The following PRUNE1 variants were observed in gnomAD, a reference collection of about 807,000 sequenced individuals.
PRUNE1 encodes the protein exopolyphosphatase PRUNE1.
A neutral mutation model predicts 42.5 loss-of-function variants in PRUNE1; 25 were observed. That is an observed-to-expected ratio of 0.59 (90% CI 0.43 to 0.82). PRUNE1 has a LOEUF of 0.82. Among genes scored for constraint, PRUNE1 ranks in the 40% least tolerant of loss-of-function variants. The pLI, the probability that PRUNE1 is intolerant of heterozygous loss-of-function variation, is 0.00. For missense variants in PRUNE1, 443 were observed against 539.3 expected, an observed-to-expected ratio of 0.82 and a Z score of 1.77; for synonymous variants, 203 against 217.1, an observed-to-expected ratio of 0.93 and a Z score of 0.57.
intron 5 of PRUNE1, among the ~76,000 whole-genome samples, chr1:151,026,813 G>A (rs1674867278): frequency 6.6e-6 from 1 of 150,988 alleles, no homozygotes; most frequent in Non-Finnish European, 1.5e-5. Flanking sequence ...TATTTAAGAT[G>A]GCTTTTGATT....
chr1:151,016,815 T>C lies in PRUNE1; in HGVS notation c.40-997T>C, dbSNP rs114878278. Among the ~76,000 whole-genome samples, 454 of 151,892 alleles carry C rather than the reference T, an allele frequency of 3.0e-3. 2 individuals carry two copies. The highest frequency in any genetic ancestry group is 7.5e-3 in the South Asian group (36 of 4,796). On this transcript the variant is annotated intron_variant, in intron 1 of 7. Coordinates refer to ENST00000271620, the MANE Select transcript of PRUNE1 (RefSeq NM_021222.3). ...CCACGCCCAGCCCTGGACTAGATCT[T>C]ACTTTTAACCTTTATTCTCAAAGCC...
chr1:151,008,862 G>C, intron 1 of PRUNE1, 191 bp downstream of exon 1: 2 of 755,788 alleles, frequency 2.6e-6, no homozygotes, highest in South Asian at 2.9e-5. Context: ...GCGTGAGAAT[G>C]CTGCTTGTTC....
chr1:151,026,000 C>G (rs1176252530), intron 5 of PRUNE1, among the ~76,000 whole-genome samples: 1 of 151,826 alleles, frequency 6.6e-6, no homozygotes, highest in Non-Finnish European at 1.5e-5. Context: ...CTGGGCCTCC[C>G]AAAGTGCTGG....
At position 151,028,799 on chromosome 1, in the gene PRUNE1, G is replaced by C. The variant is rs587613765; in HGVS notation, c.788G>C (p.Arg263Thr). The change falls in exon 7 of 8, where the codon AGG (arginine) becomes ACG (threonine). Residue 263 changes from arginine to threonine, a missense_variant. Coordinates refer to ENST00000271620, the MANE Select transcript of PRUNE1 (RefSeq NM_021222.3). ...CTTCCCTTTCAGGCCTTTCTGCAGAGGTCTAACCTCCTTGCAGATCTCCAT... is the reference window on the plus strand; with the variant it reads ...CTTCCCTTTCAGGCCTTTCTGCAGACGTCTAACCTCCTTGCAGATCTCCAT... The part of the protein sequence containing the change: ...IYMDLEAFLQ[R>T]SNLLADLHAF... 3.1e-5 allele frequency: 50 copies of C among 1,614,002 alleles called. No homozygotes were observed. In the South Asian group the frequency reaches 5.3e-4, roughly 17 times the overall value.
chr1:151,029,019 T>C, intron 7 of PRUNE1, 75 bp downstream of exon 7: 1 of 1,445,104 alleles, frequency 6.9e-7, no homozygotes, highest in Non-Finnish European at 9.5e-7. Context: ...TCTACAGCTG[T>C]CCTATAAGGA....
chr1:151,029,633 C>T lies in PRUNE1; in HGVS notation c.933+689C>T, dbSNP rs1008064684. Among the ~76,000 whole-genome samples the T allele has an allele frequency of 7.2e-4, 109 of 151,716 alleles. 2 individuals carry two copies. Among genetic ancestry groups the T allele is most frequent in the Admixed American group, 3.9e-4 (6 of 15,212 alleles). ...CCGCCCGCCTTGGCCTCCCAAAGTG[C>T]TGGGATTACAGGCGTGAGCCACCGC... On this transcript the variant is annotated intron_variant, in intron 7 of 7. Coordinates refer to ENST00000271620, the MANE Select transcript of PRUNE1 (RefSeq NM_021222.3).
At chr1:151,014,186 A>G (rs1673161) in intron 1 of PRUNE1, among the ~76,000 whole-genome samples, 13,509 of 152,168 alleles carry the variant, frequency 0.089, 745 homozygotes, top group African/African-American at 0.15. Flanking sequence ...TCACCAGGTT[A>G]GCCAGGATAG....
chr1:151,008,571 C>CA lies in PRUNE1; in HGVS notation c.-62_-61insA. On this transcript the variant is annotated 5_prime_UTR_variant, in exon 1 of 8. Coordinates refer to ENST00000271620, the MANE Select transcript of PRUNE1 (RefSeq NM_021222.3). Reference sequence around the variant, plus strand: ...GGGCGGGCTGCATTCGTCGGGGAAACCTCTCCTCGACCAGGGGCACCTCTA... The same window carrying CA: ...GGGCGGGCTGCATTCGTCGGGGAAACACTCTCCTCGACCAGGGGCACCTCTA... The CA allele has an allele frequency of 6.3e-7, 1 of 1,593,268 alleles. No individual in the cohort carries two copies. Among genetic ancestry groups the CA allele is most frequent in the Non-Finnish European group, 8.6e-7 (1 of 1,160,948 alleles).
intron 7 of PRUNE1, among the ~76,000 whole-genome samples, chr1:151,032,566 T>A (rs587627233): frequency 7.8e-4 from 118 of 151,614 alleles, no homozygotes; most frequent in Middle Eastern, 6.8e-3. Context: ...ATACAAACAT[T>A]AGCCAGGCTG....
intron 1 of PRUNE1, among the ~76,000 whole-genome samples, chr1:151,016,244 A>G (rs1385517785): frequency 1.3e-5 from 2 of 152,150 alleles, no homozygotes; most frequent in Non-Finnish European, 2.9e-5. Context: ...CTCAAAAAAA[A>G]AAAGTAAGCA....
At chr1:151,028,393 G>A (rs1444335204) in intron 6 of PRUNE1, among the ~76,000 whole-genome samples, 3 of 151,048 alleles carry the variant, frequency 2.0e-5, no homozygotes, top group Admixed American at 6.6e-5. Flanking sequence ...GTGCGTGCCG[G>A]CATGCCCAGC....
intron 1 of PRUNE1, among the ~76,000 whole-genome samples, chr1:151,017,306 A>G (rs1347426195): frequency 6.6e-6 from 1 of 152,128 alleles, no homozygotes; most frequent in African/African-American, 2.4e-5. Flanking sequence ...AGGAGGAAAG[A>G]ACACTTTTCT....
chr1:151,012,423 C>G (rs769180621), intron 1 of PRUNE1, among the ~76,000 whole-genome samples: 1 of 152,162 alleles, frequency 6.6e-6, no homozygotes, highest in Admixed American at 6.5e-5. Context: ...TTCTCATAAG[C>G]GTCCCAGTTT....
At position 151,024,713 on chromosome 1, in the gene PRUNE1, G is replaced by A. The variant is rs1674713889; in HGVS notation, c.438G>A (p.Gly146=). The A allele has an allele frequency of 3.1e-6, 5 of 1,614,008 alleles. No individual in the cohort carries two copies. The highest frequency in any genetic ancestry group is 4.2e-6 in the Non-Finnish European group (5 of 1,180,026). Reference sequence around the variant, plus strand: ...GCCATGTTTCAGTTGAGCTGGTGGGGTCCTGTGCTACCCTGGTGACCGAGA... The same window carrying A: ...GCCATGTTTCAGTTGAGCTGGTGGGATCCTGTGCTACCCTGGTGACCGAGA... The part of the protein sequence containing the change: ...PPCHVSVELV[G]SCATLVTERI... The change falls in exon 4 of 8, where the codon GGG becomes GGA. Residue 146 remains glycine, a synonymous_variant. Transcript: ENST00000271620.
intron 7 of PRUNE1, among the ~76,000 whole-genome samples, chr1:151,030,539 T>C (rs989310415): frequency 1.3e-5 from 2 of 152,038 alleles, no homozygotes; most frequent in African/African-American, 4.8e-5. Flanking sequence ...CGCCCAGGCT[T>C]GAGTACAGTG....
At chr1:151,024,082 G>C (rs1471727211) in intron 3 of PRUNE1, among the ~76,000 whole-genome samples, 1 of 151,780 alleles carries the variant, frequency 6.6e-6, no homozygotes, top group Admixed American at 6.6e-5. Context: ...TGGTTACCCA[G>C]GAGGCTGAGG....
intron 1 of PRUNE1, 33 bp from the exon 2 acceptor site, chr1:151,017,779 T>C (rs1396697270): frequency 7.3e-7 from 1 of 1,366,602 alleles, no homozygotes; most frequent in Non-Finnish European, 1.0e-6. Flanking sequence ...ATAGAGATAC[T>C]TTTGTTAGTT....
At position 151,034,114 on chromosome 1, in the gene PRUNE1, C is replaced by T; in HGVS notation, c.1242C>T (p.Ser414=). 3 of 1,614,220 alleles carry T rather than the reference C, an allele frequency of 1.9e-6. No homozygotes were observed. Among genetic ancestry groups the T allele is most frequent in the Non-Finnish European group, 2.5e-6 (3 of 1,180,046 alleles). Residue 414 remains serine, a synonymous_variant, in exon 8 of 8, where the codon AGC becomes AGT. Coordinates refer to ENST00000271620, the MANE Select transcript of PRUNE1 (RefSeq NM_021222.3). ...CGCTGCCCCCGACGCCCATGAACAGCTTGGTGGATGAGTGCCCTCTAGATC... is the reference window on the plus strand; with the variant it reads ...CGCTGCCCCCGACGCCCATGAACAGTTTGGTGGATGAGTGCCCTCTAGATC... ...DPPLPPTPMN[S]LVDECPLDQG... is the part of the protein sequence containing the mutation.
intron 7 of PRUNE1, 120 bp from the exon 8 acceptor site, chr1:151,033,686 C>A (rs587612685): frequency 7.0e-6 from 7 of 1,006,010 alleles, no homozygotes; most frequent in African/African-American, 3.2e-5. Context: ...CACCGCACCC[C>A]GCCCGGCCGA....
Sources: gnomAD v4.1 joint callset for allele counts (sites outside exome capture counted in the v4.1 genomes callset) on GRCh38, gnomAD v4.1.1 for gene constraint, MANE v1.5 for transcripts, NCBI Gene and HGNC (gene_info 2026-07-23, HGNC 2026-07-21) for gene names.